Variants in IMMP2L observed in about 807,000 individuals in gnomAD.
IMMP2L encodes mitochondrial inner membrane protease subunit 2.
Under a neutral mutation model 19.3 loss-of-function variants are expected in IMMP2L, and 18 were observed. The ratio of observed to expected loss-of-function variants is 0.93; its 90% CI spans 0.64 to 1.38. The LOEUF is 1.38. IMMP2L is among the 40% of genes most tolerant of loss of function. The pLI is 0.00. For missense variants in IMMP2L, 233 were observed against 218.2 expected, an observed-to-expected ratio of 1.07 and a Z score of -0.43; for synonymous variants, 76 against 73.0, an observed-to-expected ratio of 1.04 and a Z score of -0.21.
chr7:111,266,952 G>A (rs752475280), intron 3 of IMMP2L, among the ~76,000 whole-genome samples: 1 of 152,076 alleles, frequency 6.6e-6, no homozygotes, highest in Non-Finnish European at 1.5e-5. Context: ...GTCAAGGCCC[G>A]GGTGTCTTTG....
chr7:111,289,457 A>G (rs1296880054), intron 3 of IMMP2L, among the ~76,000 whole-genome samples: 2 of 152,036 alleles, frequency 1.3e-5, no homozygotes, highest in African/African-American at 4.8e-5. Context: ...GTTGGTGGCA[A>G]ATTCTGAATG....
At chr7:111,138,281 G>A (rs1353854090) in intron 3 of IMMP2L, among the ~76,000 whole-genome samples, 1 of 152,156 alleles carries the variant, frequency 6.6e-6, no homozygotes, top group Non-Finnish European at 1.5e-5. Context: ...GGTCCCTTTA[G>A]CTAAAGCTTT....
chr7:110,919,652 T>G (rs1425063761), intron 4 of IMMP2L, among the ~76,000 whole-genome samples: 1 of 151,734 alleles, frequency 6.6e-6, no homozygotes, highest in Non-Finnish European at 1.5e-5. Context: ...AATGTGCGCA[T>G]TTTCTTCAAT....
At chr7:111,206,310 C>G (rs1001450751) in intron 3 of IMMP2L, among the ~76,000 whole-genome samples, 1 of 152,112 alleles carries the variant, frequency 6.6e-6, no homozygotes, top group African/African-American at 2.4e-5. Context: ...TTTAATATCC[C>G]TTTATACCAG....
chr7:111,453,603 A>G (rs1366722324), intron 3 of IMMP2L, among the ~76,000 whole-genome samples: 2 of 152,164 alleles, frequency 1.3e-5, no homozygotes, highest in Non-Finnish European at 2.9e-5. Context: ...CATGCTACCA[A>G]TAGAAGAGGA....
intron 1 of IMMP2L, among the ~76,000 whole-genome samples, chr7:111,554,917 G>A (rs751211636): frequency 9.2e-5 from 14 of 151,982 alleles, no homozygotes; most frequent in Non-Finnish European, 1.6e-4. Flanking sequence ...TTTTCTCACT[G>A]CCCTGAGGGG....
chr7:111,080,490 TTATG>T (rs1586137259), intron 3 of IMMP2L, among the ~76,000 whole-genome samples: 1 of 106,806 alleles, frequency 9.4e-6, no homozygotes, highest in African/African-American at 3.2e-5. Context: ...GTATTATATA[TTATG>T]TGTGTATAAT....
intron 5 of IMMP2L, among the ~76,000 whole-genome samples, chr7:110,872,677 T>C (rs1178812485): frequency 6.6e-6 from 1 of 152,138 alleles, no homozygotes; most frequent in Non-Finnish European, 1.5e-5. Flanking sequence ...GGACGGGCAC[T>C]TAACTCAAGC....
chr7:110,705,962 C>T (rs949508333), intron 5 of IMMP2L, among the ~76,000 whole-genome samples: 2 of 152,044 alleles, frequency 1.3e-5, no homozygotes, highest in African/African-American at 2.4e-5. Flanking sequence ...TCCTATGCAT[C>T]ATTGATGGGC....
intron 4 of IMMP2L, chr7:110,963,221 G>C: frequency 1.5e-6 from 1 of 664,298 alleles, no homozygotes; most frequent in Non-Finnish European, 2.4e-6. Flanking sequence ...TTTAATATCT[G>C]ATCAATAATG....
chr7:110,939,080 T>C (rs537256702), intron 4 of IMMP2L, among the ~76,000 whole-genome samples: 5 of 152,262 alleles, frequency 3.3e-5, no homozygotes, highest in African/African-American at 1.2e-4. Context: ...AGCTGACTTC[T>C]AAAGGTAGAA....
At chr7:111,193,156 T>C (rs560626603) in intron 3 of IMMP2L, among the ~76,000 whole-genome samples, 13 of 152,280 alleles carry the variant, frequency 8.5e-5, no homozygotes, top group African/African-American at 2.9e-4. Flanking sequence ...CTCTTTTGTT[T>C]ATTTCTCTTT....
At chr7:110,683,157 C>T (rs75322703) in intron 5 of IMMP2L, among the ~76,000 whole-genome samples, 8,196 of 151,932 alleles carry the variant, frequency 0.054, 298 homozygotes, top group Non-Finnish European at 0.078. Context: ...CTAGATAATA[C>T]CTCTTAAAAT....
At chr7:110,853,186 C>A (rs799649) in intron 5 of IMMP2L, among the ~76,000 whole-genome samples, 2,705 of 151,866 alleles carry the variant, frequency 0.018, 69 homozygotes, top group African/African-American at 0.061. Flanking sequence ...AAGACAAACA[C>A]AAACATACAC....
intron 4 of IMMP2L, among the ~76,000 whole-genome samples, chr7:110,934,837 T>C (rs1397885488): frequency 1.3e-5 from 2 of 152,234 alleles, no homozygotes; most frequent in African/African-American, 4.8e-5. Context: ...TTTTTTGCTT[T>C]CCATTTGCTT....
At chr7:111,167,615 C>T (rs927819246) in intron 3 of IMMP2L, among the ~76,000 whole-genome samples, 3 of 151,824 alleles carry the variant, frequency 2.0e-5, no homozygotes, top group Non-Finnish European at 2.9e-5. Context: ...AGTGTATTGA[C>T]GAACATGCTT....
At chr7:110,779,856 G>GGA (rs1453804323) in intron 5 of IMMP2L, among the ~76,000 whole-genome samples, 1 of 151,712 alleles carries the variant, frequency 6.6e-6, no homozygotes, top group Non-Finnish European at 1.5e-5. Context: ...GGAAAATACA[G>GGA]GAGTAAAGTT....
Position 111,414,286 on chromosome 7 carries a change from T to C in IMMP2L, c.239+72952A>G, listed in dbSNP as rs1396564002. 5.3e-5 allele frequency among the ~76,000 whole-genome samples: 8 copies of C among 151,850 alleles called. 1 individual carries two copies. Among genetic ancestry groups the C allele is most frequent in the Non-Finnish European group, 7.3e-5 (5 of 68,028 alleles). ...TCTCAAAAAGACCCAGAGGGTAGCTTCCTGAATCAACAAACTAGGGTGCAT... is the reference window on the plus strand; with the variant it reads ...TCTCAAAAAGACCCAGAGGGTAGCTCCCTGAATCAACAAACTAGGGTGCAT... On this transcript the variant is annotated intron_variant, in intron 3 of 5. Coordinates refer to ENST00000405709, the MANE Select transcript of IMMP2L (RefSeq NM_032549.4).
At chr7:110,746,981 G>C (rs955954794) in intron 5 of IMMP2L, among the ~76,000 whole-genome samples, 2 of 152,030 alleles carry the variant, frequency 1.3e-5, no homozygotes, top group African/African-American at 4.8e-5. Flanking sequence ...TTTTTGAAAA[G>C]ATCAACAAAA....
Sources: allele counts gnomAD v4.1 joint callset (sites outside exome capture counted in the v4.1 genomes callset), GRCh38; gene constraint gnomAD v4.1.1; transcripts MANE v1.5; gene names NCBI Gene and HGNC (gene_info 2026-07-23, HGNC 2026-07-21).